GPSM2: variants seen among roughly 807,000 people sequenced by gnomAD.
The protein encoded by GPSM2 is G protein signaling modulator 2, also known as G protein-signaling modulator 2.
GPSM2 carries 58 observed loss-of-function variants against 78.4 expected under a neutral mutation model. The ratio of observed to expected loss-of-function variants is 0.74; its 90% CI spans 0.60 to 0.92. The LOEUF (loss-of-function observed/expected upper bound fraction) is 0.92, where lower values mean the gene tolerates loss of function less well. Ranked by LOEUF, GPSM2 falls within the 40% of genes least tolerant of loss-of-function variation. GPSM2 has a pLI of 0.00. For synonymous variants in GPSM2, 224 were observed against 280.2 expected (o/e 0.80, Z 2.00); for missense variants, 700 against 815.5 (o/e 0.86, Z 1.73).
intron 10 of GPSM2, among the ~76,000 whole-genome samples, chr1:108,913,514 T>A (rs1437996773): frequency 6.6e-6 from 1 of 152,196 alleles, no homozygotes; most frequent in Non-Finnish European, 1.5e-5. Context: ...GCAGAATACA[T>A]ACAGTATGAT....
In GPSM2 at chr1:108,904,336, CAG is replaced by C. The variant is rs1444381765; in HGVS notation, c.1192+88_1192+89del. 10 of 860,126 alleles carry C rather than the reference CAG, an allele frequency of 1.2e-5. No individual in the cohort carries two copies. The African/African-American group carries it at 1.7e-4, about 14-fold the overall frequency. 53.3% of individuals were successfully genotyped at this position (860,126 alleles called of 1,614,324 possible). A position where few individuals can be genotyped will look rare whatever the true frequency, so the allele number is the denominator to read the frequency against. On this transcript the variant is annotated intron_variant, in intron 10 of 14. Transcript: ENST00000264126. Reference sequence around the variant, plus strand: ...TTATTTATCACAAATTTGGCATATTCAGAGAGAATATATAACATGGGAAGTTC... The same window carrying C: ...TTATTTATCACAAATTTGGCATATTCAGAGAATATATAACATGGGAAGTTC...
intron 2 of GPSM2, among the ~76,000 whole-genome samples, chr1:108,892,209 T>C (rs1159686334): frequency 3.9e-5 from 6 of 152,218 alleles, no homozygotes; most frequent in Non-Finnish European, 7.3e-5. Flanking sequence ...TTAAATAGTA[T>C]GTAAGCCCTT....
At chr1:108,911,799 A>ATTTTTT (rs71069618) in intron 10 of GPSM2, among the ~76,000 whole-genome samples, 9 of 108,718 alleles carry the variant, frequency 8.3e-5, no homozygotes, top group African/African-American at 2.9e-4. Flanking sequence ...TGGGAAGACA[A>ATTTTTT]TTTTTTTTTT....
chr1:108,918,801 C>G lies in GPSM2; in HGVS notation c.1440+12C>G, dbSNP rs1171910116. On this transcript the variant is annotated intron_variant, in intron 12 of 14. Transcript: ENST00000264126. ...CAAATTCTCAGAGGGTACGTTTAAA[C>G]TAAGTTTTTGAGTATTGTGTTTTGA... 2 of 1,596,658 alleles carry G rather than the reference C, an allele frequency of 1.3e-6. No individual in the cohort carries two copies. Among genetic ancestry groups the G allele is most frequent in the Non-Finnish European group, 1.7e-6 (2 of 1,164,270 alleles).
At position 108,929,986 on chromosome 1, in the gene GPSM2, A is replaced by C. The variant is rs1557884931; in HGVS notation, c.*46A>C. The C allele has an allele frequency of 1.3e-6, 2 of 1,550,920 alleles. No individual in the cohort carries two copies. Among genetic ancestry groups the C allele is most frequent in the South Asian group, 1.1e-5 (1 of 88,458 alleles). On this transcript the variant is annotated 3_prime_UTR_variant, in exon 15 of 15. Coordinates refer to ENST00000264126, the MANE Select transcript of GPSM2 (RefSeq NM_013296.5). ...TTCCTTTCAAACACGGTAAGGAAAC[A>C]ATCTATTACTTTTTTCCTTAAAAGG...
At chr1:108,884,101 C>T (rs1570873355) in intron 1 of GPSM2, among the ~76,000 whole-genome samples, 1 of 152,158 alleles carries the variant, frequency 6.6e-6, no homozygotes, top group East Asian at 1.9e-4. Flanking sequence ...CATCACCACA[C>T]CTGGCTAACT....
At position 108,924,191 on chromosome 1, in the gene GPSM2, T is replaced by C; in HGVS notation, c.1792T>C (p.Phe598Leu). ...NDNKEADEDF[F>L]DILVKCQGSR... ...CAACAAAGAGGCTGATGAAGATTTC[T>C]TTGACATCCTTGTAAAATGTCAAGT... The change falls in exon 14 of 15, where the codon TTT becomes CTT. Residue 598 changes from phenylalanine to leucine, a missense_variant. Coordinates refer to ENST00000264126, the MANE Select transcript of GPSM2 (RefSeq NM_013296.5). The C allele has an allele frequency of 6.2e-7, 1 of 1,611,736 alleles. No homozygotes were observed. The highest frequency in any genetic ancestry group is 8.5e-7 in the Non-Finnish European group (1 of 1,177,820).
Position 108,920,783 on chromosome 1 carries a change from T to C in GPSM2, c.1441-1634T>C, listed in dbSNP as rs552246634. 2.0e-5 allele frequency among the ~76,000 whole-genome samples: 3 copies of C among 152,284 alleles called. No homozygotes were observed. The South Asian group carries it at 6.2e-4, about 32-fold the overall frequency. On this transcript the variant is annotated intron_variant, in intron 12 of 14. Coordinates refer to ENST00000264126, the MANE Select transcript of GPSM2 (RefSeq NM_013296.5). ...GCAGGACTGGAATTCAAGGAAGCCA[T>C]GCCTTTGTTCAAGGTTTGGGGTCTT...
At position 108,904,215 on chromosome 1, in the gene GPSM2, A is replaced by G. The variant is rs1649053383; in HGVS notation, c.1153A>G (p.Ile385Val). The change falls in exon 10 of 15, where the codon ATA (isoleucine) becomes GTA (valine). Residue 385 changes from isoleucine to valine, a missense_variant. Transcript: ENST00000264126. ...TCTGAGCTACAGCACAAATAACTCC[A>G]TAATGTCTGAAAATACTGAAATTGA... ...LGLSYSTNNSIMSENTEIDSS... is the reference protein window; with the variant it reads ...LGLSYSTNNSVMSENTEIDSS... 4 of 1,601,198 alleles carry G rather than the reference A, an allele frequency of 2.5e-6. No homozygotes were observed. The highest frequency in any genetic ancestry group is 3.4e-6 in the Non-Finnish European group (4 of 1,169,152).
Position 108,931,715 on chromosome 1 carries a change from T to A in GPSM2, c.*1775T>A. On this transcript the variant is annotated 3_prime_UTR_variant, in exon 15 of 15. Coordinates refer to ENST00000264126, the MANE Select transcript of GPSM2 (RefSeq NM_013296.5). ...AGGTATGATGTCCTGGATAGCATTT[T>A]AAAAACTCAGGTAAGTTTCATGGGG... is the stretch of plus-strand genomic sequence containing the variant. 2.3e-6 allele frequency: 1 copy of A among 436,974 alleles called. No individual in the cohort carries two copies. Among genetic ancestry groups the A allele is most frequent in the Non-Finnish European group, 3.5e-6 (1 of 282,760 alleles). 27.1% of individuals were successfully genotyped at this position (436,974 alleles called of 1,614,324 possible).
rs1046966036 is a variant in GPSM2, at chr1:108,898,635, C to G, written c.558-7C>G. The G allele has an allele frequency of 1.9e-6, 3 of 1,613,144 alleles. No individual in the cohort carries two copies. The African/African-American group carries it at 4.0e-5, about 22-fold the overall frequency. ...TTATTTTTTCATCACTTTTTGCGAT[C>G]CCTTAGGGAAAACCTATCATTAGTG... On this transcript the variant is annotated splice_region_variant and splice_polypyrimidine_tract_variant and intron_variant, in intron 5 of 14. Coordinates refer to ENST00000264126, the MANE Select transcript of GPSM2 (RefSeq NM_013296.5).
chr1:108,901,975 A>T, intron 8 of GPSM2, 30 bp downstream of exon 8: 1 of 1,478,444 alleles, frequency 6.8e-7, no homozygotes, highest in Non-Finnish European at 9.5e-7. Context: ...ACCATAACTA[A>T]GGTAAAATAT....
intron 14 of GPSM2, among the ~76,000 whole-genome samples, chr1:108,925,590 C>T (rs1033257116): frequency 6.6e-5 from 10 of 151,976 alleles, no homozygotes; most frequent in Non-Finnish European, 1.3e-4. Context: ...TTAAGCAGTG[C>T]TCAACTGTGG....
chr1:108,917,941 C>T (rs1180766054), intron 11 of GPSM2, among the ~76,000 whole-genome samples: 2 of 151,702 alleles, frequency 1.3e-5, no homozygotes, highest in East Asian at 2.0e-4. Context: ...ATTTTACCTA[C>T]GAAAAAATGT....
intron 14 of GPSM2, among the ~76,000 whole-genome samples, chr1:108,924,593 A>G (rs1650989739): frequency 6.6e-6 from 1 of 152,174 alleles, no homozygotes; most frequent in African/African-American, 2.4e-5. Flanking sequence ...TGGTTAGAGA[A>G]GACCTTTCTG....
intron 7 of GPSM2, among the ~76,000 whole-genome samples, chr1:108,900,585 A>C (rs1321636815): frequency 6.6e-6 from 1 of 152,202 alleles, no homozygotes; most frequent in Admixed American, 6.5e-5. Context: ...ATGTAGATCC[A>C]TATCCTTCCG....
In GPSM2 at chr1:108,918,781, T is replaced by C. The variant is rs775797580; in HGVS notation, c.1432T>C (p.Ser478Pro). The change falls in exon 12 of 15, where the codon TCT becomes CCT. Residue 478 changes from serine (S) to proline (P), a missense_variant. Coordinates refer to ENST00000264126, the MANE Select transcript of GPSM2 (RefSeq NM_013296.5). ...TTCTATTGACCACCGAATTCCAAAT[T>C]CTCAGAGGGTACGTTTAAACTAAGT... ...SNSIDHRIPN[S>P]QRKISADTIG... is the part of the protein sequence containing the mutation. 1.9e-6 allele frequency: 3 copies of C among 1,610,706 alleles called. No homozygotes were observed. In the African/African-American group the frequency reaches 4.0e-5, roughly 22 times the overall value.
intron 2 of GPSM2, among the ~76,000 whole-genome samples, chr1:108,894,325 C>A (rs1648198439): frequency 6.6e-6 from 1 of 152,158 alleles, no homozygotes; most frequent in South Asian, 2.1e-4. Flanking sequence ...GATCTTCTCT[C>A]CTGTATCTAA....
intron 14 of GPSM2, among the ~76,000 whole-genome samples, chr1:108,928,692 C>CA (rs1651370630): frequency 6.6e-6 from 1 of 152,124 alleles, no homozygotes; most frequent in Non-Finnish European, 1.5e-5. Context: ...TCATAATACT[C>CA]AAACTTGAAA....
Sources: gnomAD v4.1 joint callset for allele counts (sites outside exome capture counted in the v4.1 genomes callset) on GRCh38, gnomAD v4.1.1 for gene constraint, MANE v1.5 for transcripts, NCBI Gene and HGNC (gene_info 2026-07-23, HGNC 2026-07-21) for gene names.